The following CORO2B variants were observed in gnomAD, a reference collection of about 807,000 sequenced individuals.
The protein encoded by CORO2B is coronin 2B.
In CORO2B, 26 loss-of-function variants were observed where a neutral mutation model predicts 58.8. That is an observed-to-expected ratio of 0.44 (90% confidence interval 0.32 to 0.61). The LOEUF (loss-of-function observed/expected upper bound fraction) is 0.61, where lower values mean the gene tolerates loss of function less well. CORO2B is among the 20% of genes least tolerant of loss of function. CORO2B has a pLI of 0.04. For synonymous variants in CORO2B, 242 were observed against 253.8 expected (o/e 0.95, Z 0.44); for missense variants, 460 against 645.1 (o/e 0.71, Z 3.11).
chr15:68,632,401 C>G, intron 1 of CORO2B: 1 of 985,418 alleles, frequency 1.0e-6, no homozygotes, highest in Non-Finnish European at 1.2e-6. Context: ...TGGAGTCAGC[C>G]AGACAGGACT....
chr15:68,587,727 T>A (rs1899603311), intron 1 of CORO2B, among the ~76,000 whole-genome samples: 1 of 152,234 alleles, frequency 6.6e-6, no homozygotes, highest in South Asian at 2.1e-4. Flanking sequence ...TTAAGCTTCA[T>A]GACAGCCTAT....
the CORO2B span, among the ~76,000 whole-genome samples, chr15:68,560,422 G>A: frequency 6.6e-6 from 1 of 152,054 alleles, no homozygotes; most frequent in Non-Finnish European, 1.5e-5. Context: ...AGTGTCTGGA[G>A]TAGCTGGGAC....
the CORO2B span, among the ~76,000 whole-genome samples, chr15:68,566,206 A>G: frequency 1.3e-5 from 2 of 152,182 alleles, no homozygotes; most frequent in Non-Finnish European, 2.9e-5. Flanking sequence ...CCTGTTTTAC[A>G]GTGGAGATGC....
intron 1 of CORO2B, among the ~76,000 whole-genome samples, chr15:68,615,385 C>T (rs919558776): frequency 1.3e-5 from 2 of 152,138 alleles, no homozygotes; most frequent in Non-Finnish European, 2.9e-5. Context: ...CCCGGGGGGC[C>T]TGGTGTAGGG....
intron 1 of CORO2B, among the ~76,000 whole-genome samples, chr15:68,630,243 G>A (rs1900790890): frequency 6.6e-6 from 1 of 152,144 alleles, no homozygotes; most frequent in Admixed American, 6.5e-5. Flanking sequence ...TGCTGTGTGG[G>A]GTGGTCGTGT....
upstream of CORO2B, among the ~76,000 whole-genome samples, chr15:68,577,933 C>A (rs991520217): frequency 6.6e-6 from 1 of 152,046 alleles, no homozygotes; most frequent in African/African-American, 2.4e-5. Flanking sequence ...CGGTAATTAC[C>A]GTGGAGCAGG....
chr15:68,653,832 T>G (rs1461139903), intron 2 of CORO2B, among the ~76,000 whole-genome samples: 1 of 144,818 alleles, frequency 6.9e-6, no homozygotes, highest in African/African-American at 2.6e-5. Context: ...CAATCAGCAC[T>G]GAGCTCCTCA....
the CORO2B span, among the ~76,000 whole-genome samples, chr15:68,553,677 A>G: frequency 6.6e-6 from 1 of 152,222 alleles, no homozygotes; most frequent in Non-Finnish European, 1.5e-5. Flanking sequence ...GAAGAGTTTT[A>G]AAGAACTGGG....
intron 3 of CORO2B, among the ~76,000 whole-genome samples, chr15:68,702,809 C>CT (rs1229750025): frequency 2.3e-5 from 3 of 129,720 alleles, no homozygotes; most frequent in African/African-American, 8.7e-5. Context: ...ATATCTTTTT[C>CT]TTTTTCTTTT....
At chr15:68,596,432 G>T (rs1388139276) in intron 1 of CORO2B, among the ~76,000 whole-genome samples, 1 of 151,886 alleles carries the variant, frequency 6.6e-6, no homozygotes, top group Admixed American at 6.6e-5. Context: ...GGGATCTAGG[G>T]GGATCTTTCT....
intron 2 of CORO2B, among the ~76,000 whole-genome samples, chr15:68,684,779 T>A (rs542404076): frequency 1.3e-5 from 2 of 152,304 alleles, no homozygotes; most frequent in African/African-American, 2.4e-5. Flanking sequence ...GTGTTGAGGG[T>A]TGTGCAAATG....
chr15:68,650,081 G>A (rs892740158), intron 2 of CORO2B, among the ~76,000 whole-genome samples: 3 of 152,050 alleles, frequency 2.0e-5, no homozygotes, highest in African/African-American at 4.8e-5. Flanking sequence ...TGCAATATGC[G>A]ATTAATCACA....
At chr15:68,703,820 T>C (rs147889662) in intron 3 of CORO2B, among the ~76,000 whole-genome samples, 3 of 152,088 alleles carry the variant, frequency 2.0e-5, no homozygotes, top group Middle Eastern at 3.4e-3. Context: ...AAAGATGAAG[T>C]TTATGCTGCA....
rs1212334242 is a variant in CORO2B, at chr15:68,701,449, C to CT, written c.333+6194dup. ...GCCTCAGCCTCCTGAGAAGCTGGGA[C>CT]TACAGGCGCCTGCAACCACGCCCGG... On this transcript the variant is annotated intron_variant, in intron 3 of 11. Transcript: ENST00000261861. Among the ~76,000 whole-genome samples, 4 of 147,070 alleles carry CT rather than the reference C, an allele frequency of 2.7e-5. No homozygotes were observed. The Admixed American group carries it at 2.8e-4, about 10-fold the overall frequency.
chr15:68,624,225 C>G (rs1482630146), intron 1 of CORO2B, among the ~76,000 whole-genome samples: 1 of 152,128 alleles, frequency 6.6e-6, no homozygotes, highest in Non-Finnish European at 1.5e-5. Flanking sequence ...TAGAATCAGC[C>G]ATGGCACAAG....
chr15:68,718,192 T>C (rs1893076171), intron 8 of CORO2B, among the ~76,000 whole-genome samples: 1 of 152,206 alleles, frequency 6.6e-6, no homozygotes, highest in Admixed American at 6.5e-5. Context: ...CTAGGAGACA[T>C]AGAACAGAAC....
At chr15:68,694,304 G>A (rs1892457858) in intron 2 of CORO2B, among the ~76,000 whole-genome samples, 2 of 152,194 alleles carry the variant, frequency 1.3e-5, no homozygotes, top group South Asian at 4.1e-4. Flanking sequence ...TTCACTAAGT[G>A]CTTTGCTAAG....
intron 1 of CORO2B, chr15:68,631,918 A>G: frequency 1.0e-6 from 1 of 982,914 alleles, no homozygotes; most frequent in Non-Finnish European, 1.2e-6. Flanking sequence ...ATGGCCCCAG[A>G]TGGCCACCAG....
the CORO2B span, among the ~76,000 whole-genome samples, chr15:68,551,463 C>T: frequency 1.7e-4 from 26 of 152,304 alleles, no homozygotes; most frequent in African/African-American, 5.8e-4. Context: ...CAACTGTTCC[C>T]GGAGGCTGTC....
Sources: gnomAD v4.1 joint callset for allele counts (sites outside exome capture counted in the v4.1 genomes callset) on GRCh38, gnomAD v4.1.1 for gene constraint, MANE v1.5 for transcripts, NCBI Gene and HGNC (gene_info 2026-07-23, HGNC 2026-07-21) for gene names.